The following PIK3C2G variants were observed in gnomAD, a reference collection of about 807,000 sequenced individuals.
PIK3C2G encodes the protein phosphatidylinositol 3-kinase C2 domain-containing subunit gamma.
In PIK3C2G, 168 loss-of-function variants were observed where a neutral mutation model predicts 181.1. That is an observed-to-expected ratio of 0.93 (90% CI 0.82 to 1.05). PIK3C2G has a LOEUF of 1.05. PIK3C2G is among the 50% of genes least tolerant of loss of function. The pLI, the probability that PIK3C2G is intolerant of heterozygous loss-of-function variation, is 0.00. For synonymous variants in PIK3C2G, 573 were observed against 592.2 expected (o/e 0.97, Z 0.47); for missense variants, 1,869 against 1,732.8 (o/e 1.08, Z -1.40).
the PIK3C2G span, among the ~76,000 whole-genome samples, chr12:18,676,929 T>C: frequency 1.3e-5 from 2 of 152,248 alleles, no homozygotes; most frequent in Non-Finnish European, 2.9e-5. Context: ...TCCCAAAGAC[T>C]GTAAAAGCAA....
intron 30 of PIK3C2G, among the ~76,000 whole-genome samples, chr12:18,598,842 T>A (rs1359130930): frequency 1.3e-5 from 2 of 151,794 alleles, no homozygotes; most frequent in South Asian, 4.2e-4. Context: ...GCGAAGGACA[T>A]GAACAGACGC....
chr12:18,592,191 A>G (rs1009556604), intron 29 of PIK3C2G, among the ~76,000 whole-genome samples: 1 of 151,906 alleles, frequency 6.6e-6, no homozygotes, highest in Non-Finnish European at 1.5e-5. Flanking sequence ...TTTATGCATC[A>G]TTATAGATGT....
At chr12:18,423,610 AT>A (rs1592223281) in intron 17 of PIK3C2G, among the ~76,000 whole-genome samples, 2 of 152,164 alleles carry the variant, frequency 1.3e-5, no homozygotes, top group African/African-American at 4.8e-5. Flanking sequence ...ATAGGAAAAA[AT>A]ATCTGTGGCT....
At chr12:18,531,980 T>G (rs1943579684) in intron 24 of PIK3C2G, among the ~76,000 whole-genome samples, 1 of 152,190 alleles carries the variant, frequency 6.6e-6, no homozygotes, top group African/African-American at 2.4e-5. Flanking sequence ...ACTATACCAC[T>G]TCACATTTTC....
At chr12:18,414,205 T>C (rs1189832103) in intron 16 of PIK3C2G, among the ~76,000 whole-genome samples, 1 of 152,186 alleles carries the variant, frequency 6.6e-6, no homozygotes, top group East Asian at 1.9e-4. Context: ...AGCTTTTTTC[T>C]AGTGTTAGTC....
the PIK3C2G span, among the ~76,000 whole-genome samples, chr12:18,706,225 C>G: frequency 6.7e-6 from 1 of 150,086 alleles, no homozygotes; most frequent in African/African-American, 2.5e-5. Flanking sequence ...GAATGAGACT[C>G]TGTCTCAAAA....
rs769408892 is a variant in PIK3C2G at position 18,371,281 on chromosome 12, C to T, written c.1850C>T (p.Ala617Val). The change falls in exon 13 of 33, where the codon GCG (alanine) becomes GTG (valine). Residue 617 changes from alanine to valine, a missense_variant. Coordinates refer to ENST00000538779, the MANE Select transcript of PIK3C2G (RefSeq NM_001288772.2). ...ACATNNANLL[A>V]WTCLPLFPKE... The stretch of plus-strand genomic sequence containing the variant: ...GCAACCAACAATGCAAATTTACTGG[C>T]GTGGACTTGTCTTCCACTGTTTCCA... The T allele has an allele frequency of 6.2e-6, 10 of 1,611,092 alleles. No individual in the cohort carries two copies. Among genetic ancestry groups the T allele is most frequent in the East Asian group, 2.2e-5 (1 of 44,770 alleles).
chr12:18,707,846 T>C, the PIK3C2G span, among the ~76,000 whole-genome samples: 1 of 152,186 alleles, frequency 6.6e-6, no homozygotes, highest in African/African-American at 2.4e-5. Flanking sequence ...GTTTAAAATC[T>C]CACTTCTTGC....
At position 18,530,672 on chromosome 12, in the gene PIK3C2G, G is replaced by A. The variant is rs114023628; in HGVS notation, c.3324-7484G>A. On this transcript the variant is annotated intron_variant, in intron 24 of 32. Coordinates refer to ENST00000538779, the MANE Select transcript of PIK3C2G (RefSeq NM_001288772.2). Reference sequence around the variant, plus strand: ...ATGTTACAGGAGGGACCTGGAGAGAGGTGATTAGATCATGGGGGTGGATTT... The same window carrying A: ...ATGTTACAGGAGGGACCTGGAGAGAAGTGATTAGATCATGGGGGTGGATTT... 5.2e-3 allele frequency among the ~76,000 whole-genome samples: 798 copies of A among 152,274 alleles called. 7 individuals carry two copies. Among genetic ancestry groups the A allele is most frequent in the African/African-American group, 0.018 (765 of 41,556 alleles).
the PIK3C2G span, among the ~76,000 whole-genome samples, chr12:18,700,691 T>A: frequency 2.6e-5 from 4 of 152,146 alleles, no homozygotes; most frequent in African/African-American, 4.8e-5. Context: ...AGACACTATA[T>A]CAAGTCATTT....
chr12:18,492,043 G>A (rs772649611), intron 20 of PIK3C2G, among the ~76,000 whole-genome samples: 20 of 152,042 alleles, frequency 1.3e-4, no homozygotes, highest in Non-Finnish European at 2.5e-4. Context: ...TTTTACTCAC[G>A]CCTAGAAAGC....
intron 5 of PIK3C2G, among the ~76,000 whole-genome samples, chr12:18,298,230 G>T (rs1363946023): frequency 6.6e-6 from 1 of 151,856 alleles, no homozygotes; most frequent in East Asian, 1.9e-4. Context: ...TCTAACAAGG[G>T]TAAAACAATA....
chr12:18,718,396 A>C, the PIK3C2G span, among the ~76,000 whole-genome samples: 1 of 152,106 alleles, frequency 6.6e-6, no homozygotes, highest in Non-Finnish European at 1.5e-5. Context: ...TATCTTAAGG[A>C]AAATCCTTCT....
intron 18 of PIK3C2G, among the ~76,000 whole-genome samples, chr12:18,475,784 C>T (rs1344217256): frequency 2.0e-5 from 3 of 151,918 alleles, no homozygotes; most frequent in East Asian, 1.9e-4. Context: ...AACTCTTAGG[C>T]GACTAAAGGA....
chr12:18,389,704 T>A (rs964352224), intron 14 of PIK3C2G, among the ~76,000 whole-genome samples: 1 of 152,150 alleles, frequency 6.6e-6, no homozygotes, highest in Admixed American at 6.5e-5. Context: ...CTATAGTAAC[T>A]CAAGAATCAG....
At chr12:18,609,884 G>C (rs185613564) in intron 31 of PIK3C2G, among the ~76,000 whole-genome samples, 2 of 152,104 alleles carry the variant, frequency 1.3e-5, no homozygotes, top group East Asian at 1.9e-4. Context: ...AAAAGACTAG[G>C]GAAAAGGCTC....
At chr12:18,334,705 C>G (rs1938353057) in intron 8 of PIK3C2G, among the ~76,000 whole-genome samples, 1 of 151,956 alleles carries the variant, frequency 6.6e-6, no homozygotes, top group Non-Finnish European at 1.5e-5. Context: ...AAATGTTGCC[C>G]AAGTCTACCT....
At chr12:18,651,088 ATC>A (rs1259556321), downstream of PIK3C2G, among the ~76,000 whole-genome samples, 2 of 151,854 alleles carry the variant, frequency 1.3e-5, no homozygotes, top group African/African-American at 4.8e-5. Context: ...TCCCATCCTC[ATC>A]TCTCTGATTT....
intron 5 of PIK3C2G, among the ~76,000 whole-genome samples, chr12:18,298,180 C>T (rs969931539): frequency 6.6e-6 from 1 of 151,886 alleles, no homozygotes; most frequent in South Asian, 2.1e-4. Flanking sequence ...GCATCCTTGC[C>T]AGCATTTGTT....
Sources: allele counts gnomAD v4.1 joint callset (sites outside exome capture counted in the v4.1 genomes callset), GRCh38; gene constraint gnomAD v4.1.1; transcripts MANE v1.5; gene names NCBI Gene and HGNC (gene_info 2026-07-23, HGNC 2026-07-21).